The following CDH4 variants were observed in gnomAD, a reference collection of about 807,000 sequenced individuals.
CDH4 encodes cadherin-4.
In CDH4, 33 loss-of-function variants were observed where a neutral mutation model predicts 86.0. The ratio of observed to expected loss-of-function variants is 0.38; its 90% confidence interval spans 0.29 to 0.51. CDH4 has a LOEUF of 0.51. Ranked by LOEUF, CDH4 falls within the 20% of genes least tolerant of loss-of-function variation. The pLI is 0.86. For missense variants in CDH4, 1,114 were observed against 1,307.4 expected (o/e 0.85, Z 2.28); for synonymous variants, 555 against 549.4 (o/e 1.01, Z -0.14).
chr20:61,333,746 G>T (rs933535976), intron 2 of CDH4, among the ~76,000 whole-genome samples: 2 of 152,262 alleles, frequency 1.3e-5, no homozygotes, highest in Non-Finnish European at 2.9e-5. Flanking sequence ...TCGTGATGTG[G>T]TTTACTGCCC....
In CDH4 at chr20:61,859,092, G is replaced by A. The variant is rs546052856; in HGVS notation, c.877+6194G>A. On this transcript the variant is annotated intron_variant, in intron 6 of 15. Coordinates refer to ENST00000614565, the MANE Select transcript of CDH4 (RefSeq NM_001794.5). Reference sequence around the variant, plus strand: ...ATCTGACGTTGTCATCACTTTCAACGTTAGCCATTCTAAGAGGTGCATGGT... The same window carrying A: ...ATCTGACGTTGTCATCACTTTCAACATTAGCCATTCTAAGAGGTGCATGGT... Among the ~76,000 whole-genome samples, 11 of 152,234 alleles carry A rather than the reference G, an allele frequency of 7.2e-5. No homozygotes were observed. The South Asian group carries it at 1.7e-3, about 23-fold the overall frequency.
chr20:61,332,705 G>A (rs1378712931), intron 2 of CDH4, among the ~76,000 whole-genome samples: 1 of 152,234 alleles, frequency 6.6e-6, no homozygotes, highest in East Asian at 1.9e-4. Flanking sequence ...CTGGGGGTGT[G>A]AGCATTTTTG....
At chr20:61,859,115 G>T (rs1983203478) in intron 6 of CDH4, among the ~76,000 whole-genome samples, 1 of 152,152 alleles carries the variant, frequency 6.6e-6, no homozygotes, top group South Asian at 2.1e-4. Flanking sequence ...AGAGGTGCAT[G>T]GTGGCCCCTC....
rs977157822 is a variant in CDH4 at position 61,663,884 on chromosome 20, C to T, written c.170-79679C>T. Among the ~76,000 whole-genome samples, 2 of 152,202 alleles carry T rather than the reference C, an allele frequency of 1.3e-5. No individual in the cohort carries two copies. Among genetic ancestry groups the T allele is most frequent in the African/African-American group, 4.8e-5 (2 of 41,452 alleles). ...GAGGCCGCCCTGGCCCTCCACACTCCCACCGCTGGCGCCAGCATCTGTGCC... is the reference window on the plus strand; with the variant it reads ...GAGGCCGCCCTGGCCCTCCACACTCTCACCGCTGGCGCCAGCATCTGTGCC... On this transcript the variant is annotated intron_variant, in intron 2 of 15. Coordinates refer to ENST00000614565, the MANE Select transcript of CDH4 (RefSeq NM_001794.5). This position sits in a 1 kb window ranked among gnomAD's most constrained non-coding sequence, Gnocchi z 5.0.
At chr20:61,457,376 C>T (rs1056780957) in intron 2 of CDH4, among the ~76,000 whole-genome samples, 1 of 152,148 alleles carries the variant, frequency 6.6e-6, no homozygotes, top group African/African-American at 2.4e-5. Context: ...ATAGAGAGAG[C>T]CAGAGATGTG....
chr20:61,731,119 CA>C (rs903522956), intron 2 of CDH4, among the ~76,000 whole-genome samples: 5 of 152,216 alleles, frequency 3.3e-5, no homozygotes, highest in African/African-American at 1.2e-4. Flanking sequence ...CCCATCACGG[CA>C]GGGTCCTCTC....
At chr20:61,418,500 C>T (rs1017462735) in intron 2 of CDH4, among the ~76,000 whole-genome samples, 3 of 152,162 alleles carry the variant, frequency 2.0e-5, no homozygotes, top group African/African-American at 7.2e-5. Flanking sequence ...CTTGAGCCAC[C>T]GCGCCTGGCC....
chr20:61,827,384 G>A (rs1028436616), intron 4 of CDH4, among the ~76,000 whole-genome samples: 4 of 152,164 alleles, frequency 2.6e-5, no homozygotes, highest in African/African-American at 9.7e-5. Flanking sequence ...TGTTGTTTGG[G>A]ATTTATTGGT....
At chr20:61,427,857 C>A (rs139660953) in intron 2 of CDH4, among the ~76,000 whole-genome samples, 1 of 152,014 alleles carries the variant, frequency 6.6e-6, no homozygotes, top group African/African-American at 2.4e-5. Context: ...CCAACCAAGT[C>A]ACCGAGAATC....
intron 2 of CDH4, among the ~76,000 whole-genome samples, chr20:61,654,663 A>G (rs2087167564): frequency 6.6e-6 from 1 of 152,258 alleles, no homozygotes; most frequent in African/African-American, 2.4e-5. Context: ...AACTTCCTAA[A>G]AATGTTTACA....
chr20:61,673,186 C>T (rs1191718826), intron 2 of CDH4, among the ~76,000 whole-genome samples: 1 of 152,196 alleles, frequency 6.6e-6, no homozygotes, highest in Non-Finnish European at 1.5e-5. Context: ...TCAGCTGCCC[C>T]TCCTGCACAG....
At chr20:61,737,982 C>G (rs925347934) in intron 2 of CDH4, among the ~76,000 whole-genome samples, 4 of 152,232 alleles carry the variant, frequency 2.6e-5, no homozygotes, top group African/African-American at 9.6e-5. Flanking sequence ...ACCTGCCCCA[C>G]AGCGCATGCA....
At chr20:61,685,858 G>A (rs1390203348) in intron 2 of CDH4, among the ~76,000 whole-genome samples, 1 of 152,212 alleles carries the variant, frequency 6.6e-6, no homozygotes, top group East Asian at 1.9e-4. Flanking sequence ...ATCTCAGGTG[G>A]GATAGTCCGG....
At chr20:61,635,743 G>A (rs1326352504) in intron 2 of CDH4, among the ~76,000 whole-genome samples, 7 of 152,194 alleles carry the variant, frequency 4.6e-5, no homozygotes, top group Non-Finnish European at 1.0e-4. Flanking sequence ...GCACACACTT[G>A]CCACCCACTT....
At chr20:61,565,281 ATGGGGTGAT>A (rs2086276797) in intron 2 of CDH4, among the ~76,000 whole-genome samples, 6 of 56,436 alleles carry the variant, frequency 1.1e-4, no homozygotes, top group Non-Finnish European at 3.2e-5. Context: ...CCTCTTGGTG[ATGGGGTGAT>A]GGTGGTGGCG....
At position 61,689,917 on chromosome 20, in the gene CDH4, G is replaced by A. The variant is rs900804979; in HGVS notation, c.170-53646G>A. 1.4e-4 allele frequency among the ~76,000 whole-genome samples: 15 copies of A among 106,360 alleles called. No individual in the cohort carries two copies. The East Asian group carries it at 2.7e-3, about 19-fold the overall frequency. 69.8% of individuals were successfully genotyped at this position (106,360 alleles called of 152,430 possible). A position where few individuals can be genotyped will look rare whatever the true frequency, so the allele number is the denominator to read the frequency against. On this transcript the variant is annotated intron_variant, in intron 2 of 15. Transcript: ENST00000614565. ...AGGTGATGTGGAATTGAGCTGGGAC[G>A]GTGGTTGGTGAGGTGATGTGGAATC...
At chr20:61,840,047 G>T (rs929259511) in intron 4 of CDH4, among the ~76,000 whole-genome samples, 3 of 152,138 alleles carry the variant, frequency 2.0e-5, no homozygotes, top group Non-Finnish European at 4.4e-5. Flanking sequence ...TCCTTGCCCA[G>T]TGCCCCAAGG....
intron 2 of CDH4, among the ~76,000 whole-genome samples, chr20:61,413,903 A>C (rs773968716): frequency 6.6e-6 from 1 of 151,978 alleles, no homozygotes; most frequent in East Asian, 1.9e-4. Context: ...AACATGGCTC[A>C]TTTTCTTACC....
intron 2 of CDH4, among the ~76,000 whole-genome samples, chr20:61,626,273 A>G (rs557546650): frequency 8.5e-5 from 13 of 152,286 alleles, no homozygotes; most frequent in African/African-American, 3.1e-4. Flanking sequence ...GTCAGAGCAG[A>G]GGGAATCAGC....
Sources: gnomAD v4.1 joint callset for allele counts (sites outside exome capture counted in the v4.1 genomes callset) on GRCh38, gnomAD v4.1.1 for gene constraint, Gnocchi (gnomAD v3.1) non-coding constraint, MANE v1.5 for transcripts, NCBI Gene and HGNC (gene_info 2026-07-23, HGNC 2026-07-21) for gene names.